Variants in CACNA2D3 observed in about 807,000 individuals in gnomAD.
CACNA2D3 encodes the protein voltage-dependent calcium channel subunit alpha-2/delta-3.
Under a neutral mutation model 160.6 loss-of-function variants are expected in CACNA2D3, and 60 were observed. That is an observed-to-expected ratio of 0.37 (90% confidence interval 0.30 to 0.46). The LOEUF (loss-of-function observed/expected upper bound fraction) is 0.46, where lower values mean the gene tolerates loss of function less well. Ranked by LOEUF, CACNA2D3 falls within the 20% of genes least tolerant of loss-of-function variation. CACNA2D3 has a pLI of 1.00. For missense variants in CACNA2D3, 1,205 were observed against 1,365.0 expected, an observed-to-expected ratio of 0.88 and a Z score of 1.85; for synonymous variants, 558 against 492.9, an observed-to-expected ratio of 1.13 and a Z score of -1.75.
chr3:54,674,957 C>T (rs1401090648), intron 11 of CACNA2D3, among the ~76,000 whole-genome samples: 1 of 151,986 alleles, frequency 6.6e-6, no homozygotes, highest in Non-Finnish European at 1.5e-5. Context: ...CTAAGAATGA[C>T]AACAGGAAGA....
At chr3:54,806,747 TCAA>T (rs1397694555) in intron 13 of CACNA2D3, among the ~76,000 whole-genome samples, 4 of 152,076 alleles carry the variant, frequency 2.6e-5, no homozygotes, top group Admixed American at 6.5e-5. Flanking sequence ...CATCGCCAAG[TCAA>T]TCCTAAGCCA....
At chr3:54,314,795 A>C (rs1461823031) in intron 2 of CACNA2D3, among the ~76,000 whole-genome samples, 2 of 152,238 alleles carry the variant, frequency 1.3e-5, no homozygotes, top group African/African-American at 4.8e-5. Flanking sequence ...GGCATACCAG[A>C]GACACCAAGT....
intron 13 of CACNA2D3, among the ~76,000 whole-genome samples, chr3:54,788,337 G>A (rs1339997415): frequency 1.3e-5 from 2 of 152,104 alleles, no homozygotes; most frequent in Non-Finnish European, 2.9e-5. Context: ...AATATTCCTT[G>A]CCTGATTGTT....
rs188367266 is a variant in CACNA2D3 at position 54,903,858 on chromosome 3, T to G, written c.2449+3990T>G. On this transcript the variant is annotated intron_variant, in intron 27 of 37. Coordinates refer to ENST00000474759, the MANE Select transcript of CACNA2D3 (RefSeq NM_018398.3). Reference sequence around the variant, plus strand: ...CTTGTGAGCTGCATGTATGTCTTCTTCTGAGAAGTGTCTATTCATGTCCTT... The same window carrying G: ...CTTGTGAGCTGCATGTATGTCTTCTGCTGAGAAGTGTCTATTCATGTCCTT... Among the ~76,000 whole-genome samples, 3 of 152,352 alleles carry G rather than the reference T, an allele frequency of 2.0e-5. No individual in the cohort carries two copies. The East Asian group carries it at 5.8e-4, about 29-fold the overall frequency.
chr3:54,295,012 T>C (rs1260235510), intron 2 of CACNA2D3, among the ~76,000 whole-genome samples: 4 of 152,126 alleles, frequency 2.6e-5, no homozygotes, highest in African/African-American at 7.2e-5. Context: ...ACCTATTCAC[T>C]CAGCAAGTCT....
At chr3:54,944,660 A>G (rs1177986224) in intron 27 of CACNA2D3, among the ~76,000 whole-genome samples, 1 of 151,986 alleles carries the variant, frequency 6.6e-6, no homozygotes, top group African/African-American at 2.4e-5. Context: ...TGACCTCATG[A>G]TCCGCCTGCC....
intron 2 of CACNA2D3, among the ~76,000 whole-genome samples, chr3:54,283,182 T>C (rs1025257454): frequency 6.6e-6 from 1 of 152,214 alleles, no homozygotes; most frequent in Non-Finnish European, 1.5e-5. Context: ...AGAGAATTGA[T>C]AGGGAAGGTG....
At chr3:54,772,692 A>G (rs1029796507) in intron 13 of CACNA2D3, among the ~76,000 whole-genome samples, 2 of 152,230 alleles carry the variant, frequency 1.3e-5, no homozygotes, top group African/African-American at 4.8e-5. Flanking sequence ...ACAAAACAGC[A>G]AACACCAGAA....
chr3:54,247,312 T>A (rs1008544655), intron 2 of CACNA2D3, among the ~76,000 whole-genome samples: 1 of 150,734 alleles, frequency 6.6e-6, no homozygotes, highest in African/African-American at 2.5e-5. Flanking sequence ...CGACTCCATC[T>A]CAAACAAACA....
intron 2 of CACNA2D3, among the ~76,000 whole-genome samples, chr3:54,289,837 G>A (rs2107475039): frequency 6.6e-6 from 1 of 152,124 alleles, no homozygotes; most frequent in South Asian, 2.1e-4. Flanking sequence ...AATGGTGCTG[G>A]GAAAACTGGC....
intron 4 of CACNA2D3, among the ~76,000 whole-genome samples, chr3:54,468,136 G>T (rs942679034): frequency 6.6e-6 from 1 of 152,146 alleles, no homozygotes; most frequent in African/African-American, 2.4e-5. Flanking sequence ...CTTGGAGGTG[G>T]CTGGCAAGAT....
In CACNA2D3 at chr3:54,221,282, G is replaced by A. The variant is rs187665695; in HGVS notation, c.204+97688G>A. Among the ~76,000 whole-genome samples, 5 of 152,324 alleles carry A rather than the reference G, an allele frequency of 3.3e-5. No individual in the cohort carries two copies. The East Asian group carries it at 5.8e-4, about 18-fold the overall frequency. On this transcript the variant is annotated intron_variant, in intron 2 of 37. Coordinates refer to ENST00000474759, the MANE Select transcript of CACNA2D3 (RefSeq NM_018398.3). ...ATGTTAGTGGTGAGAGGGTGGGATC[G>A]TGGGAATGGTACCGTCATGACTAAA...
chr3:54,294,427 G>C (rs1197594927), intron 2 of CACNA2D3, among the ~76,000 whole-genome samples: 1 of 151,018 alleles, frequency 6.6e-6, no homozygotes, highest in Non-Finnish European at 1.5e-5. Flanking sequence ...CTGCCCACCA[G>C]CCCTCTGCTT....
intron 3 of CACNA2D3, among the ~76,000 whole-genome samples, chr3:54,343,267 G>A (rs1698395046): frequency 6.6e-6 from 1 of 152,022 alleles, no homozygotes; most frequent in Non-Finnish European, 1.5e-5. Flanking sequence ...AAACTTAGAG[G>A]AGGGCTGGAG....
chr3:54,734,839 T>TC (rs1364621977), intron 11 of CACNA2D3, among the ~76,000 whole-genome samples: 1 of 152,164 alleles, frequency 6.6e-6, no homozygotes. Context: ...TGGTGGTGAG[T>TC]CTGCCAGGTG....
At chr3:54,863,105 A>C (rs1190869146) in intron 17 of CACNA2D3, among the ~76,000 whole-genome samples, 1 of 152,226 alleles carries the variant, frequency 6.6e-6, no homozygotes, top group Non-Finnish European at 1.5e-5. Context: ...ATGACACAGC[A>C]GTTTCTGAAA....
chr3:54,919,486 C>T (rs1374324021), intron 27 of CACNA2D3, among the ~76,000 whole-genome samples: 1 of 152,166 alleles, frequency 6.6e-6, no homozygotes, highest in Non-Finnish European at 1.5e-5. Flanking sequence ...TGTGTCTCCT[C>T]AGGCCTCAGA....
At chr3:54,766,407 C>A (rs1702224561) in intron 13 of CACNA2D3, among the ~76,000 whole-genome samples, 1 of 152,116 alleles carries the variant, frequency 6.6e-6, no homozygotes, top group South Asian at 2.1e-4. Context: ...GCAAATTAAA[C>A]TATAATGAGA....
At chr3:54,137,311 G>A (rs958790221) in intron 2 of CACNA2D3, among the ~76,000 whole-genome samples, 3 of 152,200 alleles carry the variant, frequency 2.0e-5, no homozygotes, top group African/African-American at 7.2e-5. Flanking sequence ...AGAAATCACT[G>A]AGCACAGTTG....
Sources: allele counts gnomAD v4.1 joint callset (sites outside exome capture counted in the v4.1 genomes callset), GRCh38; gene constraint gnomAD v4.1.1; transcripts MANE v1.5; gene names NCBI Gene and HGNC (gene_info 2026-07-23, HGNC 2026-07-21).